The following ELMO1 variants were observed in gnomAD, a reference collection of about 807,000 sequenced individuals.
ELMO1 encodes the protein engulfment and cell motility protein 1.
In ELMO1, 26 loss-of-function variants were observed where a neutral mutation model predicts 98.9. That is an observed-to-expected ratio of 0.26 (90% CI 0.19 to 0.36). The LOEUF (loss-of-function observed/expected upper bound fraction) is 0.36. Ranked by LOEUF, ELMO1 falls within the 10% of genes least tolerant of loss-of-function variation. The pLI is 1.00. For missense variants in ELMO1, 627 were observed against 935.2 expected (o/e 0.67, Z 4.30); for synonymous variants, 346 against 346.0 (o/e 1.00, Z 0.00).
rs1310517699 is a variant in ELMO1, at chr7:37,180,810, GCGCACA to G, written c.1086+30570_1086+30575del. On this transcript the variant is annotated intron_variant, in intron 13 of 21. Coordinates refer to ENST00000310758, the MANE Select transcript of ELMO1 (RefSeq NM_014800.11). ...CATATGCACATATGCACACACATAT[GCGCACA>G]CACACACACACACACATGCACACGC... 7.9e-4 allele frequency among the ~76,000 whole-genome samples: 104 copies of G among 131,044 alleles called. No individual in the cohort carries two copies. The Middle Eastern group carries it at 0.015, about 19-fold the overall frequency. 86.0% of individuals were successfully genotyped at this position (131,044 alleles called of 152,430 possible). A position where few individuals can be genotyped will look rare whatever the true frequency, so the allele number is the denominator to read the frequency against.
intron 2 of ELMO1, among the ~76,000 whole-genome samples, chr7:37,339,770 G>A (rs1390360993): frequency 6.6e-6 from 1 of 151,968 alleles, no homozygotes; most frequent in African/African-American, 2.4e-5. Flanking sequence ...TGATTAATAG[G>A]AGGCCTATAA....
At chr7:36,955,245 T>C (rs1427279823) in intron 16 of ELMO1, among the ~76,000 whole-genome samples, 1 of 152,212 alleles carries the variant, frequency 6.6e-6, no homozygotes, top group African/African-American at 2.4e-5. Flanking sequence ...CAAATCTTTT[T>C]TTCCTATACT....
intron 12 of ELMO1, 80 bp from the exon 13 acceptor site, chr7:37,211,597 T>C: frequency 6.5e-7 from 1 of 1,531,026 alleles, no homozygotes; most frequent in Non-Finnish European, 8.8e-7. Flanking sequence ...ACTCCCTCTT[T>C]CCCTGGGGTC....
chr7:36,919,511 G>T, intron 16 of ELMO1: 1 of 428,970 alleles, frequency 2.3e-6, no homozygotes, highest in South Asian at 1.7e-5. Context: ...TATGGGCTAA[G>T]TCTCTTCATC....
chr7:37,094,232 T>C (rs1016915915), intron 15 of ELMO1, among the ~76,000 whole-genome samples: 2 of 152,196 alleles, frequency 1.3e-5, no homozygotes, highest in Non-Finnish European at 2.9e-5. Flanking sequence ...AAACCAGGCC[T>C]GAGTGAGTTG....
At chr7:37,008,538 A>AT (rs1019371379) in intron 16 of ELMO1, among the ~76,000 whole-genome samples, 12 of 151,888 alleles carry the variant, frequency 7.9e-5, no homozygotes, top group African/African-American at 2.9e-4. Context: ...CAATTTACTC[A>AT]TTTTTCATAG....
intron 1 of ELMO1, among the ~76,000 whole-genome samples, chr7:37,412,638 G>T (rs886220998): frequency 6.6e-6 from 1 of 151,966 alleles, no homozygotes; most frequent in South Asian, 2.1e-4. Flanking sequence ...ATCCTTGGAT[G>T]CTCCTCCCCT....
chr7:37,438,468 C>A (rs935261233), intron 1 of ELMO1, among the ~76,000 whole-genome samples: 1 of 149,702 alleles, frequency 6.7e-6, no homozygotes, highest in African/African-American at 2.5e-5. Flanking sequence ...GGCGTGGTGG[C>A]GGGAGCCTGT....
Position 37,342,827 on chromosome 7 carries a change from T to C in ELMO1, c.-73-64A>G. On this transcript the variant is annotated intron_variant, in intron 1 of 21. Transcript: ENST00000310758. This position sits in a 1 kb window ranked among gnomAD's most constrained non-coding sequence, Gnocchi z 4.3. ...AGTGCAGATGCAGGGTGAATTTTGC[T>C]TCATCACTTCCTGTTTTCACTGGTG... is the stretch of plus-strand genomic sequence containing the variant. 2 of 768,396 alleles carry C rather than the reference T, an allele frequency of 2.6e-6. No individual in the cohort carries two copies. The highest frequency in any genetic ancestry group is 2.9e-5 in the East Asian group (1 of 34,086). 47.6% of individuals were successfully genotyped at this position (768,396 alleles called of 1,614,324 possible).
intron 2 of ELMO1, among the ~76,000 whole-genome samples, chr7:37,316,931 C>CG (rs1799203137): frequency 7.1e-3 from 1 of 140 alleles, no homozygotes; most frequent in Non-Finnish European, 0.015. Flanking sequence ...CAGTTCAAAT[C>CG]CAGCTCTATC....
At chr7:37,203,248 C>T (rs1035986597) in intron 13 of ELMO1, among the ~76,000 whole-genome samples, 27 of 152,156 alleles carry the variant, frequency 1.8e-4, no homozygotes, top group Non-Finnish European at 5.9e-5. Flanking sequence ...GACACATTCT[C>T]GAAAACCTGT....
chr7:36,952,893 T>C (rs1788089788), intron 16 of ELMO1, among the ~76,000 whole-genome samples: 1 of 151,004 alleles, frequency 6.6e-6, no homozygotes, highest in Non-Finnish European at 1.5e-5. Context: ...GGTGACCCAC[T>C]GGAGAGTGAA....
At chr7:37,155,503 A>AAAAAAAATAAAAT (rs61189239) in intron 13 of ELMO1, among the ~76,000 whole-genome samples, 2,962 of 131,780 alleles carry the variant, frequency 0.022, 61 homozygotes, top group Non-Finnish European at 0.037. Context: ...AAAAAAAAAA[A>AAAAAAAATAAAAT]AAAAAGCAGG....
chr7:36,885,035 G>A (rs1804829035), intron 18 of ELMO1, among the ~76,000 whole-genome samples: 1 of 152,126 alleles, frequency 6.6e-6, no homozygotes, highest in African/African-American at 2.4e-5. Flanking sequence ...AATCTAAATG[G>A]AATGTTTTGA....
intron 1 of ELMO1, among the ~76,000 whole-genome samples, chr7:37,410,879 T>C (rs531661572): frequency 3.9e-5 from 6 of 152,202 alleles, no homozygotes; most frequent in Non-Finnish European, 5.9e-5. Flanking sequence ...TCATGAGCTA[T>C]ATGCTGTGAC....
chr7:36,872,256 C>T (rs1173717793), intron 19 of ELMO1, among the ~76,000 whole-genome samples: 1 of 152,038 alleles, frequency 6.6e-6, no homozygotes, highest in Non-Finnish European at 1.5e-5. Context: ...GATGGATGGG[C>T]AGAGGAGGCT....
intron 14 of ELMO1, among the ~76,000 whole-genome samples, chr7:37,100,445 G>A (rs943070888): frequency 6.6e-6 from 1 of 152,164 alleles, no homozygotes; most frequent in African/African-American, 2.4e-5. Flanking sequence ...ACCATGAAGT[G>A]TTGAGTCCAA....
At chr7:37,067,104 A>C (rs1797023641) in intron 15 of ELMO1, among the ~76,000 whole-genome samples, 1 of 152,220 alleles carries the variant, frequency 6.6e-6, no homozygotes, top group African/African-American at 2.4e-5. Context: ...AGATCTCATA[A>C]AAATCAGAAT....
At chr7:37,170,347 T>G (rs1232919631) in intron 13 of ELMO1, among the ~76,000 whole-genome samples, 1 of 152,212 alleles carries the variant, frequency 6.6e-6, no homozygotes, top group African/African-American at 2.4e-5. Context: ...CAGCATTGAA[T>G]TGAATTAGCA....
Sources: gnomAD v4.1 joint callset for allele counts (sites outside exome capture counted in the v4.1 genomes callset) on GRCh38, gnomAD v4.1.1 for gene constraint, Gnocchi (gnomAD v3.1) non-coding constraint, MANE v1.5 for transcripts, NCBI Gene and HGNC (gene_info 2026-07-23, HGNC 2026-07-21) for gene names.